The following BANK1 variants were observed in gnomAD, a reference collection of about 807,000 sequenced individuals.
BANK1 encodes B cell scaffold protein with ankyrin repeats 1.
In BANK1, 95 loss-of-function variants were observed where a neutral mutation model predicts 94.5. The observed-to-expected ratio is 1.00, with a 90% CI of 0.85 to 1.19. BANK1 has a LOEUF of 1.19. Ranked by LOEUF, BANK1 falls within the 50% of genes most tolerant of loss-of-function variation. BANK1 has a pLI of 0.00. For synonymous variants in BANK1, 334 were observed against 308.4 expected (o/e 1.08, Z -0.87); for missense variants, 987 against 932.2 (o/e 1.06, Z -0.77).
At chr4:102,067,669 T>G (rs1373329306) in intron 13 of BANK1, among the ~76,000 whole-genome samples, 3 of 151,854 alleles carry the variant, frequency 2.0e-5, no homozygotes, top group African/African-American at 7.2e-5. Context: ...TATATGAATT[T>G]TACTAAAACT....
chr4:102,021,934 C>T (rs955176942), intron 8 of BANK1, among the ~76,000 whole-genome samples: 5 of 152,016 alleles, frequency 3.3e-5, no homozygotes, highest in Non-Finnish European at 7.4e-5. Flanking sequence ...TTAGTTTTCT[C>T]AGCTATGAAA....
intron 6 of BANK1, among the ~76,000 whole-genome samples, chr4:101,910,143 T>C (rs1722613758): frequency 6.6e-6 from 1 of 152,200 alleles, no homozygotes; most frequent in African/African-American, 2.4e-5. Context: ...AAGGATATGT[T>C]AAAATTCAGA....
At chr4:101,797,306 A>G (rs1327967379) in intron 1 of BANK1, among the ~76,000 whole-genome samples, 2 of 152,224 alleles carry the variant, frequency 1.3e-5, no homozygotes, top group Non-Finnish European at 2.9e-5. Flanking sequence ...CAATGTTATT[A>G]TAATGAGTGA....
chr4:101,865,961 G>T (rs1042069489), intron 4 of BANK1, among the ~76,000 whole-genome samples: 1 of 151,948 alleles, frequency 6.6e-6, no homozygotes, highest in South Asian at 2.1e-4. Context: ...ACTCCTAAAC[G>T]GATTCCTATA....
At position 102,074,025 on chromosome 4, in the gene BANK1, G is replaced by A. The variant is rs1443789165; in HGVS notation, c.*26G>A. 2.2e-5 allele frequency: 5 copies of A among 225,684 alleles called. No homozygotes were observed. Among genetic ancestry groups the A allele is most frequent in the Admixed American group, 1.2e-4 (2 of 17,314 alleles). 14.0% of individuals were successfully genotyped at this position (225,684 alleles called of 1,614,324 possible). A position where few individuals can be genotyped will look rare whatever the true frequency, so the allele number is the denominator to read the frequency against. ...TCCAGGTTATTATAATGAAACTCAC[G>A]AATCTACGGACATTTTGCTTTCAGG... On this transcript the variant is annotated 3_prime_UTR_variant, in exon 17 of 17. Transcript: ENST00000322953.
chr4:101,987,696 G>A (rs913735084), intron 7 of BANK1, among the ~76,000 whole-genome samples: 10 of 152,090 alleles, frequency 6.6e-5, no homozygotes, highest in Non-Finnish European at 1.3e-4. Context: ...TAAAAAAAGA[G>A]CAGAAATCTT....
intron 1 of BANK1, among the ~76,000 whole-genome samples, chr4:101,802,893 C>T (rs1725403326): frequency 6.6e-6 from 1 of 152,092 alleles, no homozygotes; most frequent in Non-Finnish European, 1.5e-5. Flanking sequence ...AATATGTGGA[C>T]ACAGACTTCC....
chr4:101,956,615 G>T (rs1724354610), intron 7 of BANK1, among the ~76,000 whole-genome samples: 1 of 152,084 alleles, frequency 6.6e-6, no homozygotes, highest in South Asian at 2.1e-4. Flanking sequence ...GAAGCGGCAG[G>T]CTAACAATGA....
chr4:101,934,740 A>G (rs1382273966), intron 7 of BANK1, among the ~76,000 whole-genome samples: 3 of 151,576 alleles, frequency 2.0e-5, no homozygotes, highest in Admixed American at 2.0e-4. Context: ...TTCCCTAGGG[A>G]GCACTGTAAC....
intron 7 of BANK1, among the ~76,000 whole-genome samples, chr4:101,995,754 T>G (rs565823636): frequency 6.6e-6 from 1 of 152,054 alleles, no homozygotes; most frequent in African/African-American, 2.4e-5. Context: ...CTTTGTGAAG[T>G]GTCTGTTCAT....
At chr4:101,916,258 G>C (rs1190724118) in intron 6 of BANK1, among the ~76,000 whole-genome samples, 1 of 151,998 alleles carries the variant, frequency 6.6e-6, no homozygotes, top group East Asian at 1.9e-4. Context: ...GCTGAGCTGG[G>C]ATTAGAATGC....
chr4:101,792,944 A>G (rs947938429), intron 1 of BANK1, among the ~76,000 whole-genome samples: 7 of 152,238 alleles, frequency 4.6e-5, no homozygotes, highest in South Asian at 4.1e-4. Context: ...ATTACTATCA[A>G]TGTCCAAAAG....
At chr4:101,966,682 T>C (rs1312681076) in intron 7 of BANK1, among the ~76,000 whole-genome samples, 1 of 152,118 alleles carries the variant, frequency 6.6e-6, no homozygotes, top group Admixed American at 6.6e-5. Context: ...ATCAGCCACC[T>C]CATGCCTTGG....
intron 7 of BANK1, among the ~76,000 whole-genome samples, chr4:101,923,685 A>T (rs73836650): frequency 1.6e-4 from 25 of 151,970 alleles, no homozygotes; most frequent in African/African-American, 6.0e-4. Flanking sequence ...TTAAATAAGC[A>T]CTTAATGGGA....
chr4:101,916,863 A>G (rs1247469274), intron 6 of BANK1, among the ~76,000 whole-genome samples: 1 of 152,014 alleles, frequency 6.6e-6, no homozygotes, highest in Admixed American at 6.6e-5. Flanking sequence ...CCTTGGTAAT[A>G]AAAACAGATG....
At chr4:102,015,934 G>A (rs567299892) in intron 7 of BANK1, among the ~76,000 whole-genome samples, 3 of 152,044 alleles carry the variant, frequency 2.0e-5, no homozygotes, top group South Asian at 2.1e-4. Flanking sequence ...CACCAAAGTC[G>A]TTTGAACTTT....
chr4:102,021,624 C>A (rs1341832097), intron 8 of BANK1, 32 bp downstream of exon 8: 1 of 765,778 alleles, frequency 1.3e-6, no homozygotes, highest in Non-Finnish European at 1.9e-6. Flanking sequence ...ATATATATGA[C>A]ATATTCATAT....
chr4:101,884,346 C>T (rs1728774204), intron 5 of BANK1, among the ~76,000 whole-genome samples: 1 of 152,074 alleles, frequency 6.6e-6, no homozygotes, highest in Admixed American at 6.6e-5. Context: ...AGTTACTGTC[C>T]TGATTCAATT....
At chr4:102,016,887 T>C (rs2148944793) in intron 7 of BANK1, among the ~76,000 whole-genome samples, 1 of 152,120 alleles carries the variant, frequency 6.6e-6, no homozygotes, top group East Asian at 1.9e-4. Flanking sequence ...GCAGAGAGGA[T>C]AAGATGACTC....
Sources: gnomAD v4.1 joint callset for allele counts (sites outside exome capture counted in the v4.1 genomes callset) on GRCh38, gnomAD v4.1.1 for gene constraint, MANE v1.5 for transcripts, NCBI Gene and HGNC (gene_info 2026-07-23, HGNC 2026-07-21) for gene names.